HSPG2: variants seen among roughly 807,000 people sequenced by gnomAD.
HSPG2 encodes the protein basement membrane-specific heparan sulfate proteoglycan core protein.
Under a neutral mutation model 526.6 loss-of-function variants are expected in HSPG2, and 278 were observed. The ratio of observed to expected loss-of-function variants is 0.53; its 90% confidence interval spans 0.48 to 0.58. The LOEUF is 0.58. Ranked by LOEUF, HSPG2 falls within the 20% of genes least tolerant of loss-of-function variation. The pLI is 0.00. For synonymous variants in HSPG2, 2,465 were observed against 2,555.4 expected, an observed-to-expected ratio of 0.96 and a Z score of 1.07; for missense variants, 5,354 against 6,099.5, an observed-to-expected ratio of 0.88 and a Z score of 4.07.
chr1:21,864,966 C>A lies in HSPG2; in HGVS notation c.4503G>T (p.Pro1501=), dbSNP rs781260091. Residue 1501 remains proline, a synonymous_variant, in exon 36 of 97, where the codon CCG becomes CCT. Transcript: ENST00000374695. This position sits in a 1 kb window ranked among gnomAD's most constrained non-coding sequence, Gnocchi z 4.8. ...TGACTGCGCTGATGCTGGCCGCCAG[C>A]GGCACGGAGGAGAACGTGGCCCGGA... ...LLIRATFSSV[P]LAASISAVSL... 1 of 1,597,136 alleles carries A rather than the reference C, an allele frequency of 6.3e-7. No individual in the cohort carries two copies. The highest frequency in any genetic ancestry group is 1.1e-5 in the South Asian group (1 of 88,782).
Position 21,841,166 on chromosome 1 carries a change from T to C in HSPG2, c.9448A>G (p.Ser3150Gly). 1 of 1,613,812 alleles carries C rather than the reference T, an allele frequency of 6.2e-7. No individual in the cohort carries two copies. Among genetic ancestry groups the C allele is most frequent in the Non-Finnish European group, 8.5e-7 (1 of 1,180,026 alleles). Residue 3150 changes from serine (S) to glycine (G), a missense_variant, in exon 71 of 97, where the codon AGC (serine) becomes GGC (glycine). By Grantham distance (56) the Ser-to-Gly change is moderately conservative. Coordinates refer to ENST00000374695, the MANE Select transcript of HSPG2 (RefSeq NM_005529.7). The stretch of plus-strand genomic sequence containing the variant: ...TGCTCCAACTTGGCAGGGGTGCTGC[T>C]GATCCGGGTCCAACGAGCAGAGGAG... ...PRSSARWTRISSTPAKLEQRT... is the reference protein window; with the variant it reads ...PRSSARWTRIGSTPAKLEQRT...
intron 63 of HSPG2, 35 bp downstream of exon 63, chr1:21,846,413 A>T (rs757652235): frequency 3.1e-6 from 5 of 1,612,662 alleles, no homozygotes; most frequent in Non-Finnish European, 3.4e-6. Context: ...CCCCACATCC[A>T]GCGGCTCTCC....
chr1:21,933,055 A>T (rs1644385531), intron 1 of HSPG2, among the ~76,000 whole-genome samples: 1 of 152,136 alleles, frequency 6.6e-6, no homozygotes, highest in Non-Finnish European at 1.5e-5. Flanking sequence ...CCCTGTCTCT[A>T]TAAAAAATAC....
At chr1:21,934,038 C>T (rs934001175) in intron 1 of HSPG2, among the ~76,000 whole-genome samples, 4 of 152,226 alleles carry the variant, frequency 2.6e-5, no homozygotes, top group East Asian at 3.9e-4. Flanking sequence ...CCTGCAGGGC[C>T]GCCCTAAAGG....
In HSPG2 at chr1:21,887,107, G is replaced by T; in HGVS notation, c.1078+108C>A. The T allele has an allele frequency of 8.0e-7, 1 of 1,254,180 alleles. No individual in the cohort carries two copies. Among genetic ancestry groups the T allele is most frequent in the Non-Finnish European group, 1.1e-6 (1 of 894,166 alleles). The allele number at this position is 1,254,180 out of a possible 1,614,324, so 77.7% of individuals were successfully genotyped here. ...AAACAGGCTTGGGGGACTGGGGAGG[G>T]GGGAAAGCGGAGGGGCAGGGTAGGG... On this transcript the variant is annotated intron_variant, in intron 9 of 96. Transcript: ENST00000374695. This position sits in a 1 kb window ranked among gnomAD's most constrained non-coding sequence, Gnocchi z 5.0.
chr1:21,824,362 G>A lies in HSPG2; in HGVS notation c.12759C>T (p.Ala4253=), dbSNP rs199982876. ...LLWQGVEVGE[A]GQGKDFISLG... ...GGCTGATGAAGTCCTTGCCTTGGCC[G>A]GCCTCTCCCACCTCCTGCCAGGGAA... The change falls in exon 94 of 97, where the codon GCC becomes GCT. Residue 4253 remains alanine (A), a synonymous_variant. Transcript: ENST00000374695. The surrounding 1 kb of genome is among the most constrained non-coding windows in gnomAD (Gnocchi z 5.9). The A allele has an allele frequency of 4.2e-5, 68 of 1,613,716 alleles. No homozygotes were observed. In the Admixed American group the frequency reaches 4.7e-4, roughly 11 times the overall value.
chr1:21,883,854 T>C (rs1384909917), intron 13 of HSPG2, among the ~76,000 whole-genome samples: 1 of 152,204 alleles, frequency 6.6e-6, no homozygotes, highest in Non-Finnish European at 1.5e-5. Context: ...CATCCTGCCA[T>C]TCTGCCTCTC....
chr1:21,925,097 C>T (rs1644150787), intron 1 of HSPG2, among the ~76,000 whole-genome samples: 2 of 152,226 alleles, frequency 1.3e-5, no homozygotes, highest in Non-Finnish European at 2.9e-5. Flanking sequence ...GCAGCCTCTA[C>T]CTTCCTCTGC....
At chr1:21,881,307 C>T (rs770509598) in intron 14 of HSPG2, 32 bp downstream of exon 14, 1 of 1,453,538 alleles carries the variant, frequency 6.9e-7, no homozygotes, top group Non-Finnish European at 9.1e-7. Context: ...GGAATTCTTT[C>T]CCCACCCAGG....
intron 37 of HSPG2, 104 bp from the exon 38 acceptor site, chr1:21,862,219 A>C (rs1639844509): frequency 1.6e-6 from 2 of 1,289,184 alleles, no homozygotes; most frequent in Non-Finnish European, 2.2e-6. Flanking sequence ...TTGTGAACTC[A>C]TCTTAAAGAA....
At position 21,829,588 on chromosome 1, in the gene HSPG2, G is replaced by A. The variant is rs1430616435; in HGVS notation, c.11787C>T (p.Thr3929=). Residue 3929 remains threonine (T), a synonymous_variant, in exon 87 of 97, where the codon ACC becomes ACT. Coordinates refer to ENST00000374695, the MANE Select transcript of HSPG2 (RefSeq NM_005529.7). The part of the protein sequence containing the change: ...LRCEEGVTVT[T]PSLSGAGSYL... ...AGGAGCCAGCACCCGACAGCGAGGG[G>A]GTGGTCACTGTCACACCTGCAGCAG... The A allele has an allele frequency of 1.9e-6, 3 of 1,606,902 alleles. No individual in the cohort carries two copies. The highest frequency in any genetic ancestry group is 1.3e-5 in the African/African-American group (1 of 74,932).
In HSPG2 at chr1:21,828,785, A is replaced by G; in HGVS notation, c.12237+50T>C. ...GTGCTTGGAGAGCCGAGGGGGACAC[A>G]AGGCTTGGCACCCCTCCCCTCCCGC... is the stretch of plus-strand genomic sequence containing the variant. On this transcript the variant is annotated intron_variant, in intron 88 of 96. Transcript: ENST00000374695. The surrounding 1 kb of genome is among the most constrained non-coding windows in gnomAD (Gnocchi z 6.0). The G allele has an allele frequency of 6.5e-7, 1 of 1,549,594 alleles. No homozygotes were observed. The highest frequency in any genetic ancestry group is 8.7e-7 in the Non-Finnish European group (1 of 1,146,790).
chr1:21,836,228 T>G (rs2152698974), intron 75 of HSPG2, among the ~76,000 whole-genome samples: 1 of 152,276 alleles, frequency 6.6e-6, no homozygotes, highest in South Asian at 2.1e-4. Context: ...GCCTGTTCTC[T>G]TTCCTCCGCT....
At chr1:21,929,447 A>T (rs1644290864) in intron 1 of HSPG2, among the ~76,000 whole-genome samples, 1 of 149,866 alleles carries the variant, frequency 6.7e-6, no homozygotes, top group Admixed American at 6.6e-5. Context: ...GCGTTCTATC[A>T]CCCAGGCTGG....
chr1:21,914,890 A>C (rs927943669), intron 1 of HSPG2, among the ~76,000 whole-genome samples: 1 of 152,142 alleles, frequency 6.6e-6, no homozygotes, highest in Non-Finnish European at 1.5e-5. Flanking sequence ...CCTGACCCCC[A>C]AAAGCTCACA....
In HSPG2 at chr1:21,829,397, T is replaced by C. The variant is rs747700100; in HGVS notation, c.11978A>G (p.Tyr3993Cys). 1.2e-6 allele frequency: 2 copies of C among 1,613,384 alleles called. No individual in the cohort carries two copies. Among genetic ancestry groups the C allele is most frequent in the African/African-American group, 1.3e-5 (1 of 75,048 alleles). The change falls in exon 87 of 97, where the codon TAT becomes TGT. Residue 3993 changes from tyrosine (Y) to cysteine (C), a missense_variant. By Grantham distance (194) the Tyr-to-Cys change is radical. Transcript: ENST00000374695. Reference sequence around the variant, plus strand: ...TGGGTGCTTACCTGACCCCAACTCATAGCGGAACTCCAGGTGGCCGCCCAC... The same window carrying C: ...TGGGTGCTTACCTGACCCCAACTCACAGCGGAACTCCAGGTGGCCGCCCAC... Reference protein sequence around the residue: ...AMVGGHLEFRYELGSGLAVLR... With the variant: ...AMVGGHLEFRCELGSGLAVLR...
Position 21,864,132 on chromosome 1 carries a change from C to T in HSPG2, c.4708G>A (p.Asp1570Asn). The change falls in exon 37 of 97, where the codon GAC (aspartate) becomes AAC (asparagine). Residue 1570 changes from aspartate (D) to asparagine (N), a missense_variant. Physicochemically the swap from Asp to Asn is conservative, Grantham distance 23. Coordinates refer to ENST00000374695, the MANE Select transcript of HSPG2 (RefSeq NM_005529.7). This position sits in a 1 kb window ranked among gnomAD's most constrained non-coding sequence, Gnocchi z 4.8. ...CELCECNGHS[D>N]LCHPETGACS... ...GCCCCAGTCTCTGGGTGGCACAGGT[C>T]TGAGTGGCCATTGCATTCACATAGC... is the stretch of plus-strand genomic sequence containing the variant. 1 of 1,556,630 alleles carries T rather than the reference C, an allele frequency of 6.4e-7. No homozygotes were observed. Among genetic ancestry groups the T allele is most frequent in the Non-Finnish European group, 8.7e-7 (1 of 1,150,062 alleles).
At position 21,852,907 on chromosome 1, in the gene HSPG2, G is replaced by A. The variant is rs1408575426; in HGVS notation, c.6591+12C>T. 1 of 1,612,492 alleles carries A rather than the reference G, an allele frequency of 6.2e-7. No individual in the cohort carries two copies. Among genetic ancestry groups the A allele is most frequent in the African/African-American group, 1.3e-5 (1 of 75,042 alleles). On this transcript the variant is annotated intron_variant, in intron 51 of 96. Transcript: ENST00000374695. ...GCCCCTCCAGCAAGGTGGTCCCGGGGGGCTGCCATACCTGGTGCCGGGCAG... is the reference window on the plus strand; with the variant it reads ...GCCCCTCCAGCAAGGTGGTCCCGGGAGGCTGCCATACCTGGTGCCGGGCAG...
In HSPG2 at chr1:21,880,779, G is replaced by A. The variant is rs1240612030; in HGVS notation, c.1875C>T (p.Gly625=). The change falls in exon 15 of 97, where the codon GGC becomes GGT. Residue 625 remains glycine, a synonymous_variant. Transcript: ENST00000374695. The stretch of plus-strand genomic sequence containing the variant: ...CCGGCCGCTGCACTGGCTCCAGCAT[G>A]CCACGGGCCAACTCGTAGCGCACGT... The part of the protein sequence containing the change: ...RYNVRYELAR[G]MLEPVQRPDV... The A allele has an allele frequency of 2.5e-6, 4 of 1,599,350 alleles. No individual in the cohort carries two copies. In the East Asian group the frequency reaches 6.8e-5, roughly 27 times the overall value.
Sources: allele counts gnomAD v4.1 joint callset (sites outside exome capture counted in the v4.1 genomes callset), GRCh38; gene constraint gnomAD v4.1.1; non-coding constraint Gnocchi (gnomAD v3.1); transcripts MANE v1.5; gene names NCBI Gene and HGNC (gene_info 2026-07-23, HGNC 2026-07-21).